PARN: variants seen among roughly 807,000 people sequenced by gnomAD.
The protein encoded by PARN is poly(A)-specific ribonuclease PARN.
A neutral mutation model predicts 102.8 loss-of-function variants in PARN; 71 were observed. The ratio of observed to expected loss-of-function variants is 0.69; its 90% confidence interval spans 0.57 to 0.84. PARN has a LOEUF of 0.84. PARN is among the 40% of genes least tolerant of loss of function. The pLI is 0.00. For missense variants in PARN, 782 were observed against 760.9 expected, an observed-to-expected ratio of 1.03 and a Z score of -0.33; for synonymous variants, 261 against 252.9, an observed-to-expected ratio of 1.03 and a Z score of -0.30.
intron 21 of PARN, among the ~76,000 whole-genome samples, chr16:14,531,190 CAA>C (rs2151669254): frequency 6.6e-6 from 1 of 152,156 alleles, no homozygotes; most frequent in Non-Finnish European, 1.5e-5. Context: ...TCAAAAAATA[CAA>C]AAATTAGCCA....
chr16:14,472,526 A>G (rs1373809620), intron 22 of PARN, among the ~76,000 whole-genome samples: 2 of 152,244 alleles, frequency 1.3e-5, no homozygotes, highest in Non-Finnish European at 2.9e-5. Flanking sequence ...TTAAAAGCCA[A>G]CTAGACCTAG....
At chr16:14,508,889 G>A (rs925727064) in intron 21 of PARN, among the ~76,000 whole-genome samples, 7 of 150,368 alleles carry the variant, frequency 4.7e-5, no homozygotes, top group African/African-American at 1.7e-4. Flanking sequence ...GCAAGACCCA[G>A]TCTCTTAATT....
At chr16:14,627,021 T>C (rs1399354779) in intron 5 of PARN, 85 bp downstream of exon 5, 2 of 801,816 alleles carry the variant, frequency 2.5e-6, no homozygotes, top group African/African-American at 3.4e-5. Context: ...AGCCCAAAGT[T>C]AATAGAGAAC....
chr16:14,612,203 C>G (rs1202418904), intron 6 of PARN, among the ~76,000 whole-genome samples: 1 of 152,116 alleles, frequency 6.6e-6, no homozygotes, highest in African/African-American at 2.4e-5. Context: ...CTTTGAGAGG[C>G]CGAGGCGGGC....
intron 18 of PARN, among the ~76,000 whole-genome samples, chr16:14,570,815 CAAAAAA>C (rs761919651): frequency 1.3e-4 from 5 of 38,748 alleles, no homozygotes; most frequent in East Asian, 4.7e-4. Context: ...CCCACCTCTA[CAAAAAA>C]AAAAAAAAAA....
At chr16:14,522,864 G>A (rs1965811674) in intron 21 of PARN, among the ~76,000 whole-genome samples, 1 of 152,194 alleles carries the variant, frequency 6.6e-6, no homozygotes, top group Non-Finnish European at 1.5e-5. Flanking sequence ...TGCTCCACAA[G>A]TGGGTGCTAA....
chr16:14,617,382 CAAAAAAAA>C (rs66483121), intron 6 of PARN, among the ~76,000 whole-genome samples, 200 bp downstream of exon 6: 6 of 91,886 alleles, frequency 6.5e-5, no homozygotes, highest in Non-Finnish European at 1.1e-4. Flanking sequence ...AGACTCTTCT[CAAAAAAAA>C]AAAAAAAAAA....
chr16:14,614,646 T>C (rs148528992), intron 6 of PARN, among the ~76,000 whole-genome samples: 4 of 151,140 alleles, frequency 2.6e-5, no homozygotes, highest in African/African-American at 9.7e-5. Context: ...AGGTCGGGAG[T>C]TGGAGACCAG....
chr16:14,526,584 A>AT (rs1966021161), intron 21 of PARN, among the ~76,000 whole-genome samples: 1 of 152,208 alleles, frequency 6.6e-6, no homozygotes, highest in African/African-American at 2.4e-5. Context: ...AGTAAACCAT[A>AT]CATCCCTGGT....
chr16:14,529,939 G>C (rs9922166), intron 21 of PARN, among the ~76,000 whole-genome samples: 11 of 152,040 alleles, frequency 7.2e-5, no homozygotes, highest in Non-Finnish European at 1.2e-4. Context: ...CATGACAGCT[G>C]CAAGAGGCCT....
At chr16:14,628,830 C>G (rs1972840164) in intron 2 of PARN, among the ~76,000 whole-genome samples, 1 of 152,074 alleles carries the variant, frequency 6.6e-6, no homozygotes, top group African/African-American at 2.4e-5. Flanking sequence ...ATATCCATAT[C>G]AAAGGGAGTG....
intron 21 of PARN, among the ~76,000 whole-genome samples, chr16:14,539,957 G>C (rs1007189532): frequency 6.6e-6 from 1 of 152,200 alleles, no homozygotes; most frequent in African/African-American, 2.4e-5. Context: ...TGTTAGGCAT[G>C]TAAGTAATCT....
At chr16:14,448,747 G>C (rs1961311799) in intron 22 of PARN, among the ~76,000 whole-genome samples, 1 of 152,200 alleles carries the variant, frequency 6.6e-6, no homozygotes, top group Non-Finnish European at 1.5e-5. Context: ...CTGCCTTCCT[G>C]GTGGTTCTCT....
intron 21 of PARN, among the ~76,000 whole-genome samples, chr16:14,508,869 G>A (rs1162261567): frequency 2.0e-5 from 3 of 150,984 alleles, no homozygotes; most frequent in Non-Finnish European, 4.4e-5. Context: ...AGACTAGCCT[G>A]GGCAACACAG....
intron 22 of PARN, among the ~76,000 whole-genome samples, chr16:14,449,173 C>G (rs542701255): frequency 6.6e-6 from 1 of 152,048 alleles, no homozygotes; most frequent in Non-Finnish European, 1.5e-5. Flanking sequence ...GCTAGAACCA[C>G]GGGCATTAAA....
At chr16:14,516,492 G>A (rs1400081389) in intron 21 of PARN, among the ~76,000 whole-genome samples, 1 of 152,094 alleles carries the variant, frequency 6.6e-6, no homozygotes, top group Non-Finnish European at 1.5e-5. Context: ...TGGTCAAAAA[G>A]AGTAAGTCAA....
chr16:14,613,254 A>T (rs1971633636), intron 6 of PARN, among the ~76,000 whole-genome samples: 2 of 149,424 alleles, frequency 1.3e-5, no homozygotes, highest in Admixed American at 6.7e-5. Context: ...GGTTGCGGTG[A>T]GTCAAGATTG....
At chr16:14,470,007 G>A (rs1006500698) in intron 22 of PARN, among the ~76,000 whole-genome samples, 1 of 152,036 alleles carries the variant, frequency 6.6e-6, no homozygotes, top group African/African-American at 2.4e-5. Flanking sequence ...ATGAAGATAA[G>A]TACTCAATAA....
At chr16:14,627,590 C>G (rs1972756928) in intron 3 of PARN, among the ~76,000 whole-genome samples, 1 of 152,222 alleles carries the variant, frequency 6.6e-6, no homozygotes, top group Non-Finnish European at 1.5e-5. Flanking sequence ...ATTAAAATAA[C>G]TGCCTCATAT....
Sources: gnomAD v4.1 joint callset for allele counts (sites outside exome capture counted in the v4.1 genomes callset) on GRCh38, gnomAD v4.1.1 for gene constraint, MANE v1.5 for transcripts, NCBI Gene and HGNC (gene_info 2026-07-23, HGNC 2026-07-21) for gene names.